IL1RAP: variants seen among roughly 807,000 people sequenced by gnomAD.
IL1RAP encodes interleukin 1 receptor accessory protein, also known as interleukin-1 receptor accessory protein.
A neutral mutation model predicts 60.7 loss-of-function variants in IL1RAP; 35 were observed. The observed-to-expected ratio is 0.58, with a 90% CI of 0.44 to 0.76. The LOEUF (loss-of-function observed/expected upper bound fraction) is 0.76, where lower values mean the gene tolerates loss of function less well. Ranked by LOEUF, IL1RAP falls within the 30% of genes least tolerant of loss-of-function variation. The pLI is 0.00. For missense variants in IL1RAP, 572 were observed against 693.9 expected (o/e 0.82, Z 1.97); for synonymous variants, 268 against 250.9 (o/e 1.07, Z -0.64).
At chr3:190,515,840 C>T (rs1016632762) in intron 1 of IL1RAP, among the ~76,000 whole-genome samples, 2 of 151,816 alleles carry the variant, frequency 1.3e-5, no homozygotes, top group African/African-American at 2.4e-5. Context: ...ACAAAATTCT[C>T]ATATATTTCT....
intron 3 of IL1RAP, among the ~76,000 whole-genome samples, chr3:190,575,624 C>T (rs534702658): frequency 5.1e-4 from 77 of 152,156 alleles, no homozygotes; most frequent in Admixed American, 1.6e-3. Context: ...GGGAAAGAAA[C>T]ATGCGACGAA....
At chr3:190,530,906 GA>G (rs1325043011) in intron 1 of IL1RAP, among the ~76,000 whole-genome samples, 4 of 151,894 alleles carry the variant, frequency 2.6e-5, no homozygotes, top group African/African-American at 9.7e-5. Context: ...TATTACAAGT[GA>G]AAAAACTGAA....
At chr3:190,530,258 G>C (rs907912778) in intron 1 of IL1RAP, among the ~76,000 whole-genome samples, 3 of 152,140 alleles carry the variant, frequency 2.0e-5, no homozygotes, top group Non-Finnish European at 2.9e-5. Context: ...TAAATGCTCT[G>C]TTAAGAAATT....
At chr3:190,606,772 G>C (rs1428423293) in intron 4 of IL1RAP, among the ~76,000 whole-genome samples, 1 of 152,092 alleles carries the variant, frequency 6.6e-6, no homozygotes, top group Non-Finnish European at 1.5e-5. Flanking sequence ...GTTTTACTGA[G>C]GAAATGTCGA....
chr3:190,622,262 TTATTTTTTTCTTTGTAAAGCAAAAAC>T (rs1253749589), intron 6 of IL1RAP, among the ~76,000 whole-genome samples: 85 of 152,342 alleles, frequency 5.6e-4, no homozygotes, highest in African/African-American at 2.0e-3. Flanking sequence ...TTAGTATGTT[TTATTTTTTTCTTTGTAAAGCAAAAAC>T]TATTTTTTTC....
rs58926231 is a variant in IL1RAP at position 190,623,920 on chromosome 3, C to A, written c.775+505C>A. Among the ~76,000 whole-genome samples the A allele has an allele frequency of 8.3e-3, 1,259 of 152,200 alleles. 19 individuals are homozygous for A. The highest frequency in any genetic ancestry group is 0.029 in the African/African-American group (1,220 of 41,524). ...TAGTTTCCATAATTTTTCATTATAG[C>A]CAAAAATCATTGATAACTGACCAAA... is the stretch of plus-strand genomic sequence containing the variant. On this transcript the variant is annotated intron_variant, in intron 7 of 11. Coordinates refer to ENST00000447382, the MANE Select transcript of IL1RAP (RefSeq NM_002182.4).
In IL1RAP at chr3:190,648,507, T is replaced by C; in HGVS notation, c.1515T>C (p.Ala505=). ...ACGTCATTTTAGTACAGTACAAAGC[T>C]GTGAAGGAAACGAAGGTGAAAGAGC... ...NINVILVQYK[A]VKETKVKELK... is the part of the protein sequence containing the mutation. Residue 505 remains alanine (A), a synonymous_variant, in exon 12 of 12, where the codon GCT becomes GCC. Coordinates refer to ENST00000447382, the MANE Select transcript of IL1RAP (RefSeq NM_002182.4). 1.2e-6 allele frequency: 2 copies of C among 1,613,948 alleles called. No individual in the cohort carries two copies. The highest frequency in any genetic ancestry group is 1.7e-6 in the Non-Finnish European group (2 of 1,179,980).
intron 2 of IL1RAP, among the ~76,000 whole-genome samples, chr3:190,557,361 A>G (rs971312176): frequency 6.6e-6 from 1 of 152,328 alleles, no homozygotes; most frequent in South Asian, 2.1e-4. Context: ...TTAAAGCACA[A>G]AAGGGAATCA....
downstream of IL1RAP, chr3:190,656,307 G>C (rs1487555946): frequency 6.5e-6 from 10 of 1,537,052 alleles, no homozygotes; most frequent in Admixed American, 9.8e-5. Flanking sequence ...GCTCAGAGAG[G>C]GCTGCAGGTA....
chr3:190,558,139 A>G (rs183705465), intron 2 of IL1RAP, among the ~76,000 whole-genome samples: 2 of 152,304 alleles, frequency 1.3e-5, no homozygotes, highest in Non-Finnish European at 1.5e-5. Context: ...ATTGCTGAGT[A>G]TTATTCTATT....
chr3:190,548,661 C>T (rs1334301374), intron 1 of IL1RAP, among the ~76,000 whole-genome samples: 1 of 152,200 alleles, frequency 6.6e-6, no homozygotes, highest in Non-Finnish European at 1.5e-5. Context: ...AGAAGTTTCT[C>T]AGGCCTCTAA....
chr3:190,638,443 C>T (rs1211064279), intron 9 of IL1RAP, among the ~76,000 whole-genome samples: 1 of 152,080 alleles, frequency 6.6e-6, no homozygotes, highest in African/African-American at 2.4e-5. Context: ...ACATTTTGTT[C>T]ATTTTATAAA....
chr3:190,517,999 A>G (rs3773997), intron 1 of IL1RAP: 44,352 of 151,932 alleles, frequency 0.29, 6,713 homozygotes, highest in Middle Eastern at 0.4. Flanking sequence ...GAAAAAAGAA[A>G]CACCAAAGAA....
At chr3:190,586,471 T>C (rs551310947) in intron 3 of IL1RAP, among the ~76,000 whole-genome samples, 1 of 152,326 alleles carries the variant, frequency 6.6e-6, no homozygotes, top group Admixed American at 6.5e-5. Context: ...GGCTCTGATG[T>C]GTTCTAAGCA....
chr3:190,581,132 G>A (rs999624608), intron 3 of IL1RAP, among the ~76,000 whole-genome samples: 1 of 152,156 alleles, frequency 6.6e-6, no homozygotes, highest in Non-Finnish European at 1.5e-5. Flanking sequence ...AAATCTCAGT[G>A]CTATGGGAGC....
At chr3:190,640,353 T>C (rs1733567821) in intron 9 of IL1RAP, among the ~76,000 whole-genome samples, 1 of 152,244 alleles carries the variant, frequency 6.6e-6, no homozygotes, top group Non-Finnish European at 1.5e-5. Context: ...AGTCCAGGAC[T>C]AGTTACTCCT....
At chr3:190,627,702 A>G (rs78552524) in intron 8 of IL1RAP, among the ~76,000 whole-genome samples, 2 of 152,326 alleles carry the variant, frequency 1.3e-5, no homozygotes, top group East Asian at 3.9e-4. Context: ...TCTTCATCAG[A>G]TTGTCCAGAG....
At chr3:190,526,168 G>A (rs1405274541) in intron 1 of IL1RAP, among the ~76,000 whole-genome samples, 1 of 152,088 alleles carries the variant, frequency 6.6e-6, no homozygotes, top group Non-Finnish European at 1.5e-5. Flanking sequence ...GATAACATAT[G>A]CCAGACTCCA....
rs533118276 is a variant in IL1RAP, at chr3:190,650,202, T to A, written c.*1497T>A. The stretch of plus-strand genomic sequence containing the variant: ...ACTGGAATGTTTTTGTGTCAGTGTT[T>A]TCTGTACATATTATTTGTTAATTCA... On this transcript the variant is annotated 3_prime_UTR_variant, in exon 12 of 12. Coordinates refer to ENST00000447382, the MANE Select transcript of IL1RAP (RefSeq NM_002182.4). 2 of 984,366 alleles carry A rather than the reference T, an allele frequency of 2.0e-6. No homozygotes were observed. Among genetic ancestry groups the A allele is most frequent in the African/African-American group, 3.5e-5 (2 of 57,226 alleles). The allele number at this position is 984,366 out of a possible 1,614,324, so 61.0% of individuals were successfully genotyped here.
Sources: gnomAD v4.1 joint callset for allele counts (sites outside exome capture counted in the v4.1 genomes callset) on GRCh38, gnomAD v4.1.1 for gene constraint, MANE v1.5 for transcripts, NCBI Gene and HGNC (gene_info 2026-07-23, HGNC 2026-07-21) for gene names.